The following DCC variants were observed in gnomAD, a reference collection of about 807,000 sequenced individuals.
DCC encodes the protein netrin receptor DCC.
A neutral mutation model predicts 172.5 loss-of-function variants in DCC; 58 were observed. The observed-to-expected ratio is 0.34, with a 90% CI of 0.27 to 0.42. The LOEUF (loss-of-function observed/expected upper bound fraction) is 0.42, where lower values mean the gene tolerates loss of function less well. Among genes scored for constraint, DCC ranks in the 10% least tolerant of loss-of-function variants. The pLI is 1.00. For synonymous variants in DCC, 709 were observed against 644.5 expected (o/e 1.10, Z -1.52); for missense variants, 1,740 against 1,791.0 (o/e 0.97, Z 0.51).
At chr18:53,185,877 G>T (rs144199306) in intron 9 of DCC, among the ~76,000 whole-genome samples, 1 of 152,294 alleles carries the variant, frequency 6.6e-6, no homozygotes, top group African/African-American at 2.4e-5. Context: ...TAAAATAATA[G>T]ACATGATTTT....
intron 5 of DCC, among the ~76,000 whole-genome samples, chr18:52,977,319 T>C (rs182319517): frequency 8.6e-4 from 131 of 152,228 alleles, no homozygotes; most frequent in African/African-American, 3.0e-3. Flanking sequence ...GCTCTAAAAA[T>C]ATACCCTACC....
At chr18:52,475,548 G>C (rs1167178702) in intron 1 of DCC, among the ~76,000 whole-genome samples, 9 of 152,030 alleles carry the variant, frequency 5.9e-5, no homozygotes, top group Non-Finnish European at 1.2e-4. Context: ...GGGACAGGGA[G>C]GGTTTTTATT....
chr18:52,575,040 G>A (rs1241686809), intron 1 of DCC, among the ~76,000 whole-genome samples: 2 of 152,064 alleles, frequency 1.3e-5, no homozygotes, highest in African/African-American at 4.8e-5. Context: ...TGCCTCGTGG[G>A]GTTTTTATAA....
chr18:53,225,873 C>T (rs1171678865), intron 12 of DCC, among the ~76,000 whole-genome samples: 1 of 151,926 alleles, frequency 6.6e-6, no homozygotes, highest in Admixed American at 6.6e-5. Flanking sequence ...TGATGTTTTT[C>T]CAGGGAAGAA....
chr18:52,910,973 C>T (rs1019863651), intron 3 of DCC, among the ~76,000 whole-genome samples: 1 of 152,022 alleles, frequency 6.6e-6, no homozygotes, highest in Non-Finnish European at 1.5e-5. Context: ...ATCCTGTCTT[C>T]AGTTTTAAAA....
At chr18:52,751,988 C>A in intron 1 of DCC, 66 bp from the exon 2 acceptor site, 1 of 1,344,606 alleles carries the variant, frequency 7.4e-7, no homozygotes, top group Non-Finnish European at 1.1e-6. Flanking sequence ...AAAGAAAAGA[C>A]AGGGAATCTA....
At chr18:53,129,319 A>G (rs1481335252) in intron 7 of DCC, among the ~76,000 whole-genome samples, 2 of 152,008 alleles carry the variant, frequency 1.3e-5, no homozygotes, top group African/African-American at 4.8e-5. Flanking sequence ...TTTCATTTTC[A>G]TTTGAGGCAT....
rs5824990 is a variant in DCC, at chr18:53,148,865, C to CTTTTTTTTTTTTTTTTT, written c.1262-8490_1262-8474dup. ...AAACTAGCTCAGAACTTCCCAATGCCTTTTTTTTTTTTTTTTTGGACAAAG... is the reference window on the plus strand; with the variant it reads ...AAACTAGCTCAGAACTTCCCAATGCCTTTTTTTTTTTTTTTTTTTTTTTTTTTTTTTTTTGGACAAAG... On this transcript the variant is annotated intron_variant, in intron 7 of 28. Coordinates refer to ENST00000442544, the MANE Select transcript of DCC (RefSeq NM_005215.4). 1.3e-4 allele frequency among the ~76,000 whole-genome samples: 14 copies of CTTTTTTTTTTTTTTTTT among 109,772 alleles called. 1 individual carries two copies. Among genetic ancestry groups the CTTTTTTTTTTTTTTTTT allele is most frequent in the African/African-American group, 1.5e-4 (4 of 26,714 alleles). The allele number at this position is 109,772 out of a possible 152,430, so 72.0% of individuals were successfully genotyped here.
chr18:53,205,170 T>G (rs554941474), intron 9 of DCC, 46 bp from the exon 10 acceptor site: 2 of 1,527,256 alleles, frequency 1.3e-6, no homozygotes, highest in Admixed American at 1.7e-5. Flanking sequence ...AAAAACCCAC[T>G]TATCCTAATC....
intron 7 of DCC, among the ~76,000 whole-genome samples, chr18:53,093,338 G>A (rs2043040848): frequency 6.6e-6 from 1 of 152,122 alleles, no homozygotes; most frequent in Non-Finnish European, 1.5e-5. Context: ...TAATATTGAT[G>A]ATAAAAATTT....
At chr18:52,569,898 A>C (rs368893625) in intron 1 of DCC, among the ~76,000 whole-genome samples, 5 of 152,232 alleles carry the variant, frequency 3.3e-5, no homozygotes, top group Admixed American at 6.5e-5. Flanking sequence ...TGAATTATAT[A>C]TATGTATACT....
intron 17 of DCC, among the ~76,000 whole-genome samples, chr18:53,396,770 T>C (rs1353601668): frequency 6.6e-6 from 1 of 152,162 alleles, no homozygotes; most frequent in African/African-American, 2.4e-5. Context: ...ATAATAACAA[T>C]GGTCTATTTA....
chr18:53,525,070 A>G (rs1237466856), intron 27 of DCC, among the ~76,000 whole-genome samples: 1 of 152,060 alleles, frequency 6.6e-6, no homozygotes, highest in African/African-American at 2.4e-5. Flanking sequence ...CCCTCTTTGA[A>G]CAAGTTACTA....
At chr18:53,258,477 G>A (rs2056551760) in intron 12 of DCC, among the ~76,000 whole-genome samples, 1 of 152,118 alleles carries the variant, frequency 6.6e-6, no homozygotes, top group South Asian at 2.1e-4. Flanking sequence ...GTACCCAGTA[G>A]TCATTCAGGA....
chr18:52,597,832 C>A (rs1255662108), intron 1 of DCC, among the ~76,000 whole-genome samples: 2 of 152,200 alleles, frequency 1.3e-5, no homozygotes, highest in Non-Finnish European at 2.9e-5. Context: ...AAGCTCTTCT[C>A]TGTTTCATGG....
At chr18:53,257,381 C>T (rs866342782) in intron 12 of DCC, among the ~76,000 whole-genome samples, 1 of 152,144 alleles carries the variant, frequency 6.6e-6, no homozygotes, top group African/African-American at 2.4e-5. Flanking sequence ...TTTTGAGATA[C>T]ATCCCATCAA....
rs369534524 is a variant in DCC, at chr18:52,545,661, A to C, written c.91+204783A>C. Among the ~76,000 whole-genome samples, 26 of 152,304 alleles carry C rather than the reference A, an allele frequency of 1.7e-4. 1 individual carries two copies. The highest frequency in any genetic ancestry group is 5.8e-4 in the African/African-American group (24 of 41,574). On this transcript the variant is annotated intron_variant, in intron 1 of 28. Transcript: ENST00000442544. ...CAGGAGATTATCATAGGTTATTGTA[A>C]TAAGGGTCATCTTTGAAGAAGGGAA... is the stretch of plus-strand genomic sequence containing the variant.
In DCC at chr18:53,065,435, A is replaced by G. The variant is rs369745891; in HGVS notation, c.1141-611A>G. Among the ~76,000 whole-genome samples, 10 of 152,342 alleles carry G rather than the reference A, an allele frequency of 6.6e-5. No homozygotes were observed. The South Asian group carries it at 8.3e-4, about 13-fold the overall frequency. On this transcript the variant is annotated intron_variant, in intron 6 of 28. Transcript: ENST00000442544. ...GAGTTAATGTTGCTGTATTTAATCT[A>G]TAAAGGTGAAACATTTCAGCCATAC...
At chr18:52,546,374 G>A (rs1476253141) in intron 1 of DCC, among the ~76,000 whole-genome samples, 2 of 152,046 alleles carry the variant, frequency 1.3e-5, no homozygotes, top group East Asian at 1.9e-4. Flanking sequence ...ACAGTATACA[G>A]CAAAGAAGTA....
Sources: gnomAD v4.1 joint callset for allele counts (sites outside exome capture counted in the v4.1 genomes callset) on GRCh38, gnomAD v4.1.1 for gene constraint, MANE v1.5 for transcripts, NCBI Gene and HGNC (gene_info 2026-07-23, HGNC 2026-07-21) for gene names.